Variants in IMPG1 observed in about 807,000 individuals in gnomAD.
The protein encoded by IMPG1 is interphotoreceptor matrix proteoglycan of 150 kDa.
IMPG1 carries 85 observed loss-of-function variants against 92.0 expected under a neutral mutation model. The ratio of observed to expected loss-of-function variants is 0.92; its 90% CI spans 0.78 to 1.11. The LOEUF (loss-of-function observed/expected upper bound fraction) is 1.11. Ranked by LOEUF, IMPG1 falls within the 50% of genes least tolerant of loss-of-function variation. The pLI, the probability that IMPG1 is intolerant of heterozygous loss-of-function variation, is 0.00. For missense variants in IMPG1, 1,022 were observed against 956.0 expected (o/e 1.07, Z -0.91); for synonymous variants, 367 against 334.1 (o/e 1.10, Z -1.08).
intron 1 of IMPG1, among the ~76,000 whole-genome samples, chr6:76,045,166 G>T (rs539239755): frequency 6.6e-6 from 1 of 152,212 alleles, no homozygotes; most frequent in East Asian, 1.9e-4. Flanking sequence ...AAATTATAAG[G>T]TCACCCAGTT....
chr6:75,971,089 C>T (rs907735181), intron 12 of IMPG1, among the ~76,000 whole-genome samples: 1 of 151,940 alleles, frequency 6.6e-6, no homozygotes, highest in African/African-American at 2.4e-5. Flanking sequence ...CAATGATAGA[C>T]TGGATTAAGA....
intron 16 of IMPG1, among the ~76,000 whole-genome samples, chr6:75,922,999 G>C (rs942159371): frequency 6.6e-6 from 1 of 151,834 alleles, no homozygotes; most frequent in East Asian, 1.9e-4. Context: ...TTTGAAAATG[G>C]GTAGTTTTAG....
At chr6:76,028,339 T>C (rs13197543) in intron 4 of IMPG1, among the ~76,000 whole-genome samples, 39,047 of 152,140 alleles carry the variant, frequency 0.26, 6,349 homozygotes, top group South Asian at 0.41. Flanking sequence ...ACTTTGGAGA[T>C]TGTAACATTG....
chr6:75,924,657 A>AATATATTATATATTATATATAATTATATT (rs1562335039), intron 15 of IMPG1, among the ~76,000 whole-genome samples: 3 of 6,680 alleles, frequency 4.5e-4, no homozygotes, highest in Non-Finnish European at 4.1e-4. Context: ...AATTATATAT[A>AATATATTATATATTATATATAATTATATT]ATATATAATA....
At chr6:75,987,399 C>T (rs1214627767) in intron 12 of IMPG1, among the ~76,000 whole-genome samples, 1 of 151,284 alleles carries the variant, frequency 6.6e-6, no homozygotes, top group African/African-American at 2.4e-5. Flanking sequence ...TGGTGTGCTG[C>T]ACCCCTTAAC....
At chr6:75,983,826 G>A (rs571674391) in intron 12 of IMPG1, among the ~76,000 whole-genome samples, 10 of 152,086 alleles carry the variant, frequency 6.6e-5, no homozygotes, top group African/African-American at 2.4e-4. Context: ...TATCTGAAAG[G>A]CAATTAATAT....
chr6:76,023,833 AG>A lies in IMPG1; in HGVS notation c.562+1360del, dbSNP rs1436967495. Among the ~76,000 whole-genome samples the A allele has an allele frequency of 2.0e-5, 3 of 152,308 alleles. No homozygotes were observed. In the East Asian group the frequency reaches 5.8e-4, roughly 29 times the overall value. The stretch of plus-strand genomic sequence containing the variant: ...CTAAATCTAATCTTGTTATTACAAA[AG>A]TTTCTATCAGCTAAAGTACATTACC... On this transcript the variant is annotated intron_variant, in intron 5 of 16. Coordinates refer to ENST00000369950, the MANE Select transcript of IMPG1 (RefSeq NM_001563.4).
At chr6:75,977,762 C>T (rs1055664709) in intron 12 of IMPG1, among the ~76,000 whole-genome samples, 2 of 150,792 alleles carry the variant, frequency 1.3e-5, no homozygotes, top group Non-Finnish European at 3.0e-5. Flanking sequence ...GATGGGCAGA[C>T]TTGGAGAGTC....
At chr6:76,010,554 T>C (rs1395870264) in intron 8 of IMPG1, among the ~76,000 whole-genome samples, 3 of 152,222 alleles carry the variant, frequency 2.0e-5, no homozygotes, top group Non-Finnish European at 4.4e-5. Context: ...TGATCTTATT[T>C]TTTTATTTAA....
chr6:76,038,288 G>A (rs1783776490), intron 2 of IMPG1, among the ~76,000 whole-genome samples: 1 of 152,206 alleles, frequency 6.6e-6, no homozygotes, highest in Non-Finnish European at 1.5e-5. Context: ...GGCCCTGAAA[G>A]AATCTTCTTT....
chr6:75,992,790 T>C (rs1201435975), intron 12 of IMPG1, among the ~76,000 whole-genome samples: 1 of 152,202 alleles, frequency 6.6e-6, no homozygotes, highest in Non-Finnish European at 1.5e-5. Flanking sequence ...CAGCTTTGCT[T>C]ATGAAACTTA....
chr6:76,022,687 C>G (rs1259833304), intron 5 of IMPG1, among the ~76,000 whole-genome samples: 2 of 152,136 alleles, frequency 1.3e-5, no homozygotes, highest in Non-Finnish European at 2.9e-5. Flanking sequence ...AATTTCACTT[C>G]TTTTAGAACA....
intron 1 of IMPG1, among the ~76,000 whole-genome samples, chr6:76,067,429 A>G (rs765340724): frequency 6.6e-5 from 10 of 152,154 alleles, no homozygotes; most frequent in Non-Finnish European, 1.5e-4. Flanking sequence ...ACAAACTTGA[A>G]AACCGAGAGG....
chr6:75,986,579 G>A lies in IMPG1; in HGVS notation c.1291+16339C>T, dbSNP rs1000084543. Among the ~76,000 whole-genome samples, 6 of 152,190 alleles carry A rather than the reference G, an allele frequency of 3.9e-5. No homozygotes were observed. In the South Asian group the frequency reaches 6.2e-4, roughly 16 times the overall value. On this transcript the variant is annotated intron_variant, in intron 12 of 16. Transcript: ENST00000369950. ...TTGAAATTGGGAAAATGGCCGTATA[G>A]GAGAATGATGCTGGTAATATAACTT...
intron 15 of IMPG1, among the ~76,000 whole-genome samples, chr6:75,927,758 C>G (rs1428340192): frequency 3.1e-5 from 4 of 130,686 alleles, no homozygotes; most frequent in African/African-American, 1.1e-4. Flanking sequence ...TTCCCCACTT[C>G]CTCTCATCTA....
At chr6:76,025,982 C>T (rs1783522028) in intron 4 of IMPG1, among the ~76,000 whole-genome samples, 1 of 152,176 alleles carries the variant, frequency 6.6e-6, no homozygotes, top group Non-Finnish European at 1.5e-5. Context: ...AAAACTCCAA[C>T]TGGCCTGCCC....
Position 76,072,457 on chromosome 6 carries a change from A to C in IMPG1, c.32T>G (p.Val11Gly), listed in dbSNP as rs758016995. 4 of 1,598,572 alleles carry C rather than the reference A, an allele frequency of 2.5e-6. No homozygotes were observed. The Admixed American group carries it at 6.8e-5, about 27-fold the overall frequency. MYLETRRAIF[V>G]FWIFLQVQGT... Reference sequence around the variant, plus strand: ...TTGAACTTGGAGAAAAATCCAAAAAACAAAAATAGCTCTTCTAGTTTCCAA... The same window carrying C: ...TTGAACTTGGAGAAAAATCCAAAAACCAAAAATAGCTCTTCTAGTTTCCAA... Residue 11 changes from valine (V) to glycine (G), a missense_variant, in exon 1 of 17, where the codon GTT becomes GGT. This residue lies in a region of IMPG1 where 681 missense variants were observed against 583.6 expected (regional missense o/e 1.17). Coordinates refer to ENST00000369950, the MANE Select transcript of IMPG1 (RefSeq NM_001563.4).
At chr6:76,000,595 G>C (rs1782970563) in intron 12 of IMPG1, among the ~76,000 whole-genome samples, 1 of 152,186 alleles carries the variant, frequency 6.6e-6, no homozygotes, top group South Asian at 2.1e-4. Flanking sequence ...TATATGAGAA[G>C]AACCAAGAAG....
At chr6:76,020,797 T>A (rs1783409911) in intron 6 of IMPG1, among the ~76,000 whole-genome samples, 1 of 152,168 alleles carries the variant, frequency 6.6e-6, no homozygotes, top group Middle Eastern at 3.2e-3. Flanking sequence ...TAAATTCTCA[T>A]CAGATGGGTT....
Sources: gnomAD v4.1 joint callset for allele counts (sites outside exome capture counted in the v4.1 genomes callset) on GRCh38, gnomAD v4.1.1 for gene constraint, gnomAD v4.1.1 regional missense constraint, MANE v1.5 for transcripts, NCBI Gene and HGNC (gene_info 2026-07-23, HGNC 2026-07-21) for gene names.